Variants in PDE1C observed in about 807,000 individuals in gnomAD.
PDE1C encodes dual specificity calcium/calmodulin-dependent 3',5'-cyclic nucleotide phosphodiesterase 1C.
In PDE1C, 62 loss-of-function variants were observed where a neutral mutation model predicts 93.1. That is an observed-to-expected ratio of 0.67 (90% CI 0.54 to 0.82). The LOEUF is 0.82. Among genes scored for constraint, PDE1C ranks in the 40% least tolerant of loss-of-function variants. The probability of loss-of-function intolerance (pLI) is 0.00; values close to 1 mark genes in which losing one functional copy is unlikely to be tolerated. For synonymous variants in PDE1C, 325 were observed against 310.1 expected (o/e 1.05, Z -0.50); for missense variants, 742 against 884.6 (o/e 0.84, Z 2.04).
chr7:31,776,933 T>C lies in PDE1C; in HGVS notation c.1892-1201A>G, dbSNP rs181384259. Among the ~76,000 whole-genome samples, 135 of 136,736 alleles carry C rather than the reference T, an allele frequency of 9.9e-4. 1 individual carries two copies. The highest frequency in any genetic ancestry group is 3.6e-3 in the African/African-American group (129 of 35,512). The allele number at this position is 136,736 out of a possible 152,430, so 89.7% of individuals were successfully genotyped here. On this transcript the variant is annotated intron_variant, in intron 16 of 17. Transcript: ENST00000396191. ...TGGTGTAAGTGGAAGCTGTGCTGATTGAGAAGACCCTATGTGTCAATATAG... is the reference window on the plus strand; with the variant it reads ...TGGTGTAAGTGGAAGCTGTGCTGATCGAGAAGACCCTATGTGTCAATATAG...
intron 2 of PDE1C, among the ~76,000 whole-genome samples, chr7:32,209,152 C>A (rs1241915234): frequency 6.6e-6 from 1 of 152,206 alleles, no homozygotes; most frequent in African/African-American, 2.4e-5. Context: ...AATACAAATT[C>A]TGACTCAATA....
At chr7:32,249,267 AG>A (rs1290962747) in intron 1 of PDE1C, among the ~76,000 whole-genome samples, 2 of 151,998 alleles carry the variant, frequency 1.3e-5, no homozygotes, top group Non-Finnish European at 2.9e-5. Flanking sequence ...ATGTCACTGC[AG>A]GGGGTGCTTC....
At chr7:32,408,070 T>C (rs942759041) in intron 1 of PDE1C, among the ~76,000 whole-genome samples, 1 of 152,158 alleles carries the variant, frequency 6.6e-6, no homozygotes, top group African/African-American at 2.4e-5. Context: ...GAAGTATCTT[T>C]AGTAAGTAAG....
chr7:31,670,378 A>G, the PDE1C span, among the ~76,000 whole-genome samples: 3 of 152,242 alleles, frequency 2.0e-5, no homozygotes, highest in Admixed American at 2.0e-4. Context: ...TCATTTCTCT[A>G]TAAAATTGAG....
intron 16 of PDE1C, among the ~76,000 whole-genome samples, chr7:31,800,830 A>G (rs1006014407): frequency 2.0e-5 from 3 of 151,374 alleles, no homozygotes; most frequent in African/African-American, 7.3e-5. Flanking sequence ...ACATGGGAAG[A>G]ATTTACATGT....
intron 2 of PDE1C, among the ~76,000 whole-genome samples, chr7:31,990,207 G>T (rs1166507250): frequency 6.6e-6 from 1 of 152,178 alleles, no homozygotes; most frequent in Non-Finnish European, 1.5e-5. Flanking sequence ...ATGTGTCATG[G>T]GAGGGACCTG....
At chr7:31,711,321 G>T in the PDE1C span, among the ~76,000 whole-genome samples, 1 of 152,102 alleles carries the variant, frequency 6.6e-6, no homozygotes, top group Non-Finnish European at 1.5e-5. Flanking sequence ...TTCAGAAAAG[G>T]AAGACTGTGC....
At chr7:32,200,238 C>T (rs186455961) in intron 2 of PDE1C, among the ~76,000 whole-genome samples, 1 of 152,316 alleles carries the variant, frequency 6.6e-6, no homozygotes, top group East Asian at 1.9e-4. Flanking sequence ...TTAATTTTGA[C>T]TGTGAGCTCA....
intron 2 of PDE1C, among the ~76,000 whole-genome samples, chr7:31,968,077 C>A (rs1810315535): frequency 6.6e-6 from 1 of 152,158 alleles, no homozygotes; most frequent in Non-Finnish European, 1.5e-5. Context: ...CTCACCACTC[C>A]TATTCAACAT....
chr7:31,871,678 A>G (rs1795965515), intron 6 of PDE1C, among the ~76,000 whole-genome samples: 1 of 148,130 alleles, frequency 6.8e-6, no homozygotes. Flanking sequence ...CCCAGTAAGA[A>G]TGGCTGTTAT....
intron 1 of PDE1C, among the ~76,000 whole-genome samples, chr7:32,398,844 C>T (rs1291576411): frequency 3.3e-5 from 5 of 152,010 alleles, no homozygotes; most frequent in African/African-American, 7.3e-5. Context: ...AAAGTAAGAG[C>T]AGACCATAAA....
In PDE1C at chr7:32,292,370, T is replaced by C. The variant is rs373012004; in HGVS notation, c.85+6281A>G. 1.6e-4 allele frequency among the ~76,000 whole-genome samples: 24 copies of C among 152,326 alleles called. No individual in the cohort carries two copies. In the East Asian group the frequency reaches 2.3e-3, roughly 15 times the overall value. ...TCTTTAGAGCTTGACTAAAACTCTA[T>C]GAAGTAAAATATTTTATTCAATCTA... is the stretch of plus-strand genomic sequence containing the variant. On this transcript the variant is annotated intron_variant, in intron 1 of 18. Coordinates refer to the PDE1C transcript ENST00000396193.
intron 2 of PDE1C, among the ~76,000 whole-genome samples, chr7:32,028,688 ATTTT>A (rs753649855): frequency 4.6e-5 from 7 of 152,000 alleles, no homozygotes; most frequent in Non-Finnish European, 1.0e-4. Context: ...TAAATACTTA[ATTTT>A]TTTTGTGGTA....
the PDE1C span, among the ~76,000 whole-genome samples, chr7:31,654,295 G>C: frequency 6.6e-6 from 1 of 152,124 alleles, no homozygotes; most frequent in African/African-American, 2.4e-5. Context: ...AAAGTTAACA[G>C]GCCCCCAGAT....
chr7:31,841,227 C>CTATA (rs1554361935), intron 9 of PDE1C, among the ~76,000 whole-genome samples: 33 of 142,286 alleles, frequency 2.3e-4, no homozygotes, highest in African/African-American at 6.9e-4. Flanking sequence ...CTCTCTCTCT[C>CTATA]TATATATATA....
intron 1 of PDE1C, among the ~76,000 whole-genome samples, chr7:32,319,617 G>T (rs1783246177): frequency 6.6e-6 from 1 of 152,214 alleles, no homozygotes; most frequent in South Asian, 2.1e-4. Context: ...ACTCTGTGAG[G>T]AGTTACAGTG....
intron 2 of PDE1C, among the ~76,000 whole-genome samples, chr7:31,936,000 A>AG (rs1805004469): frequency 6.6e-6 from 1 of 152,174 alleles, no homozygotes; most frequent in Admixed American, 6.6e-5. Flanking sequence ...GGAACATAGG[A>AG]GGGAATGCCG....
At chr7:31,807,338 C>T (rs772562895) in intron 16 of PDE1C, among the ~76,000 whole-genome samples, 1 of 151,856 alleles carries the variant, frequency 6.6e-6, no homozygotes, top group Non-Finnish European at 1.5e-5. Flanking sequence ...GAATCCTGCT[C>T]ATTAAACAAT....
At chr7:31,696,831 T>C in the PDE1C span, 130 of 980,822 alleles carry the variant, frequency 1.3e-4, 3 homozygotes, top group South Asian at 1.3e-3. Flanking sequence ...TTATGAAAAG[T>C]CTTGCTTTAT....
Sources: allele counts gnomAD v4.1 joint callset (sites outside exome capture counted in the v4.1 genomes callset), GRCh38; gene constraint gnomAD v4.1.1; transcripts MANE v1.5; gene names NCBI Gene and HGNC (gene_info 2026-07-23, HGNC 2026-07-21).